The following SYNPR variants were observed in gnomAD, a reference collection of about 807,000 sequenced individuals.
SYNPR encodes synaptoporin.
In SYNPR, 23 loss-of-function variants were observed where a neutral mutation model predicts 32.9. The ratio of observed to expected loss-of-function variants is 0.70; its 90% CI spans 0.50 to 0.99. SYNPR has a LOEUF of 0.99. Among genes scored for constraint, SYNPR ranks in the 50% least tolerant of loss-of-function variants. SYNPR has a pLI of 0.00. For synonymous variants in SYNPR, 146 were observed against 135.9 expected (o/e 1.07, Z -0.52); for missense variants, 318 against 349.3 (o/e 0.91, Z 0.71).
At chr3:63,310,486 A>AT (rs1162972802) in intron 2 of SYNPR, among the ~76,000 whole-genome samples, 1 of 151,736 alleles carries the variant, frequency 6.6e-6, no homozygotes, top group African/African-American at 2.4e-5. Context: ...TAACCTCATC[A>AT]TTTTTTTCTC....
chr3:63,200,915 C>CAACAA, the SYNPR span, among the ~76,000 whole-genome samples: 6 of 152,074 alleles, frequency 3.9e-5, no homozygotes, highest in Non-Finnish European at 8.8e-5. Context: ...TGGGCTGTCT[C>CAACAA]AACAAAAGAA....
chr3:63,339,267 A>G (rs2087333903), intron 2 of SYNPR, among the ~76,000 whole-genome samples: 2 of 152,334 alleles, frequency 1.3e-5, no homozygotes, highest in East Asian at 1.9e-4. Flanking sequence ...GAGAGGCAAC[A>G]TCTCTGCTCA....
At chr3:63,287,057 T>A (rs1370981537) in intron 2 of SYNPR, among the ~76,000 whole-genome samples, 1 of 152,182 alleles carries the variant, frequency 6.6e-6, no homozygotes, top group African/African-American at 2.4e-5. Context: ...ACCCTCTGCC[T>A]TCCATGCCAG....
intron 3 of SYNPR, among the ~76,000 whole-genome samples, chr3:63,509,074 T>C (rs1048036750): frequency 3.3e-5 from 5 of 151,914 alleles, no homozygotes; most frequent in Non-Finnish European, 7.4e-5. Context: ...AGATCAGCTG[T>C]ATTTCCTTAA....
intron 4 of SYNPR, among the ~76,000 whole-genome samples, chr3:63,588,328 G>A (rs1703229316): frequency 6.6e-6 from 1 of 152,030 alleles, no homozygotes; most frequent in African/African-American, 2.4e-5. Flanking sequence ...GGTTGCTTCT[G>A]ACTCCAACCT....
chr3:63,205,061 C>T, the SYNPR span, among the ~76,000 whole-genome samples: 31 of 152,134 alleles, frequency 2.0e-4, 1 homozygote, highest in African/African-American at 7.5e-4. Flanking sequence ...ACCTCTATAA[C>T]GGGGTCATTT....
chr3:63,398,374 T>C (rs1461428826), intron 2 of SYNPR, among the ~76,000 whole-genome samples: 1 of 152,182 alleles, frequency 6.6e-6, no homozygotes, highest in Non-Finnish European at 1.5e-5. Context: ...GCACTCTTTA[T>C]TCTCTGCCAT....
At chr3:63,405,933 A>G (rs886134682) in intron 2 of SYNPR, among the ~76,000 whole-genome samples, 2 of 152,196 alleles carry the variant, frequency 1.3e-5, no homozygotes, top group African/African-American at 2.4e-5. Flanking sequence ...TCTATGATAG[A>G]CACTCTGTCA....
chr3:63,603,189 G>A (rs1700069761), intron 4 of SYNPR, among the ~76,000 whole-genome samples: 1 of 152,174 alleles, frequency 6.6e-6, no homozygotes, highest in African/African-American at 2.4e-5. Context: ...TTTGTACACT[G>A]ATTTTGTATC....
intron 3 of SYNPR, among the ~76,000 whole-genome samples, chr3:63,519,146 TG>T (rs1474359113): frequency 6.6e-6 from 1 of 152,202 alleles, no homozygotes; most frequent in Non-Finnish European, 1.5e-5. Flanking sequence ...TTTGATGTGC[TG>T]CTGGATTCGG....
chr3:63,477,310 C>T (rs1264403153), intron 2 of SYNPR, among the ~76,000 whole-genome samples: 2 of 152,170 alleles, frequency 1.3e-5, no homozygotes, highest in Non-Finnish European at 2.9e-5. Context: ...TGATTTCACG[C>T]TCCAAAATAC....
chr3:63,444,258 T>C (rs1700233330), intron 2 of SYNPR: 1 of 152,236 alleles, frequency 6.6e-6, no homozygotes, highest in African/African-American at 2.4e-5. Flanking sequence ...GAAATGATTT[T>C]TAAATGCATT....
chr3:63,568,074 C>T (rs1233859236), intron 4 of SYNPR, among the ~76,000 whole-genome samples: 2 of 151,986 alleles, frequency 1.3e-5, no homozygotes, highest in African/African-American at 2.4e-5. Context: ...GAAATTATTA[C>T]CATGGAAAAA....
intron 2 of SYNPR, among the ~76,000 whole-genome samples, chr3:63,451,659 C>G (rs541831686): frequency 6.6e-6 from 1 of 152,022 alleles, no homozygotes; most frequent in African/African-American, 2.4e-5. Context: ...GTGACTTCAA[C>G]GCTCTCCCCT....
In SYNPR at chr3:63,609,283, C is replaced by G. The variant is rs1442362882; in HGVS notation, c.567C>G (p.His189Gln). 1 of 1,598,936 alleles carries G rather than the reference C, an allele frequency of 6.3e-7. No individual in the cohort carries two copies. Among genetic ancestry groups the G allele is most frequent in the African/African-American group, 1.3e-5 (1 of 74,756 alleles). The change falls in exon 5 of 6, where the codon CAC (histidine) becomes CAG (glutamine). Residue 189 changes from histidine to glutamine, a missense_variant. By Grantham distance (24) the His-to-Gln change is conservative. Transcript: ENST00000478300. ...KQPSNKCMAI[H>Q]SPVMSSLNTS... ...CATCCAACAAATGCATGGCTATCCA[C>G]AGCCCTGTTATGTCAAGCTTAAACA...
intron 2 of SYNPR, among the ~76,000 whole-genome samples, chr3:63,302,698 A>C (rs1040155951): frequency 6.7e-6 from 1 of 149,920 alleles, no homozygotes; most frequent in African/African-American, 2.5e-5. Context: ...GCAATTTAAC[A>C]TGTCTTTAAA....
chr3:63,274,354 G>C (rs2106911583), upstream of SYNPR, among the ~76,000 whole-genome samples: 1 of 152,086 alleles, frequency 6.6e-6, no homozygotes, highest in Admixed American at 6.5e-5. Flanking sequence ...CCCTCTTTGA[G>C]ATTCAAAATG....
chr3:63,407,110 A>G (rs1422704088), intron 2 of SYNPR, among the ~76,000 whole-genome samples: 1 of 152,198 alleles, frequency 6.6e-6, no homozygotes, highest in East Asian at 1.9e-4. Context: ...TGGATCAAAC[A>G]TGTACCTGGT....
intron 4 of SYNPR, among the ~76,000 whole-genome samples, chr3:63,587,216 G>A (rs1703201688): frequency 6.6e-6 from 1 of 152,068 alleles, no homozygotes; most frequent in Non-Finnish European, 1.5e-5. Context: ...TGATTGCACT[G>A]TCTTCACCAT....
Sources: gnomAD v4.1 joint callset for allele counts (sites outside exome capture counted in the v4.1 genomes callset) on GRCh38, gnomAD v4.1.1 for gene constraint, MANE v1.5 for transcripts, NCBI Gene and HGNC (gene_info 2026-07-23, HGNC 2026-07-21) for gene names.